The following PTPRM variants were observed in gnomAD, a reference collection of about 807,000 sequenced individuals.
The protein encoded by PTPRM is protein tyrosine phosphatase receptor type M, also known as receptor-type tyrosine-protein phosphatase mu.
In PTPRM, 47 loss-of-function variants were observed where a neutral mutation model predicts 186.7. The ratio of observed to expected loss-of-function variants is 0.25; its 90% CI spans 0.20 to 0.32. PTPRM has a LOEUF of 0.32. Among genes scored for constraint, PTPRM ranks in the 10% least tolerant of loss-of-function variants. PTPRM has a pLI of 1.00. For synonymous variants in PTPRM, 668 were observed against 674.9 expected, an observed-to-expected ratio of 0.99 and a Z score of 0.16; for missense variants, 1,494 against 1,865.0, an observed-to-expected ratio of 0.80 and a Z score of 3.66.
intron 15 of PTPRM, among the ~76,000 whole-genome samples, chr18:8,246,954 A>G (rs2094482740): frequency 6.6e-6 from 1 of 152,210 alleles, no homozygotes; most frequent in Admixed American, 6.5e-5. Context: ...TAGTGTCCTG[A>G]TGAGGAACTT....
intron 8 of PTPRM, among the ~76,000 whole-genome samples, chr18:8,075,303 T>C (rs935685191): frequency 1.3e-5 from 2 of 152,154 alleles, no homozygotes; most frequent in African/African-American, 4.8e-5. Context: ...AAGATATATA[T>C]GTCTCCTATG....
intron 2 of PTPRM, among the ~76,000 whole-genome samples, chr18:7,833,190 C>A (rs1202946433): frequency 6.6e-6 from 1 of 152,082 alleles, no homozygotes; most frequent in Non-Finnish European, 1.5e-5. Flanking sequence ...TGCATTGAAT[C>A]TGTAGATTAC....
intron 1 of PTPRM, among the ~76,000 whole-genome samples, chr18:7,602,020 G>A (rs935676680): frequency 6.6e-6 from 1 of 152,196 alleles, no homozygotes; most frequent in African/African-American, 2.4e-5. Context: ...TGGGAGAAAG[G>A]TGCCACCATT....
intron 22 of PTPRM, among the ~76,000 whole-genome samples, chr18:8,325,119 C>T (rs2095367883): frequency 6.6e-6 from 1 of 152,190 alleles, no homozygotes. Context: ...CTGTGCTCAT[C>T]ATAAATGAAG....
At chr18:7,956,580 A>T (rs974172587) in intron 7 of PTPRM, among the ~76,000 whole-genome samples, 1 of 152,094 alleles carries the variant, frequency 6.6e-6, no homozygotes, top group Non-Finnish European at 1.5e-5. Flanking sequence ...TGTTTCTCAG[A>T]CCCCACATCT....
At chr18:8,092,110 G>A (rs888481566) in intron 11 of PTPRM, among the ~76,000 whole-genome samples, 5 of 151,592 alleles carry the variant, frequency 3.3e-5, no homozygotes, top group African/African-American at 4.9e-5. Context: ...GTCGAATTTC[G>A]TTTATGCACT....
intron 14 of PTPRM, among the ~76,000 whole-genome samples, chr18:8,210,427 C>T (rs1020309449): frequency 6.6e-6 from 1 of 152,124 alleles, no homozygotes; most frequent in African/African-American, 2.4e-5. Flanking sequence ...TGCCACAACC[C>T]AAGGAACATC....
intron 1 of PTPRM, among the ~76,000 whole-genome samples, chr18:7,629,760 G>C (rs2038148019): frequency 6.6e-6 from 1 of 152,154 alleles, no homozygotes; most frequent in African/African-American, 2.4e-5. Flanking sequence ...TTGTGTGTGT[G>C]TAGTGTGTGT....
chr18:7,696,917 G>T (rs189573279), intron 1 of PTPRM, among the ~76,000 whole-genome samples: 3 of 152,258 alleles, frequency 2.0e-5, no homozygotes, highest in Non-Finnish European at 4.4e-5. Flanking sequence ...CCTGTCGATG[G>T]GGGTGTCTTT....
chr18:7,979,696 A>G (rs1450592568), intron 7 of PTPRM, among the ~76,000 whole-genome samples: 3 of 152,222 alleles, frequency 2.0e-5, no homozygotes, highest in Admixed American at 2.0e-4. Flanking sequence ...GAGACTGGAA[A>G]AGCCCAGGCA....
chr18:7,693,404 T>C (rs537415916), intron 1 of PTPRM, among the ~76,000 whole-genome samples: 1 of 152,256 alleles, frequency 6.6e-6, no homozygotes, highest in East Asian at 1.9e-4. Flanking sequence ...GACCATTCGA[T>C]CCCAAAGACC....
At chr18:8,400,689 T>C (rs1223492367) in intron 32 of PTPRM, among the ~76,000 whole-genome samples, 1 of 152,174 alleles carries the variant, frequency 6.6e-6, no homozygotes, top group Non-Finnish European at 1.5e-5. Flanking sequence ...TTGCCCCCTC[T>C]GTAACTTACA....
chr18:7,662,098 A>AT (rs549167676), intron 1 of PTPRM, among the ~76,000 whole-genome samples: 200 of 144,462 alleles, frequency 1.4e-3, no homozygotes, highest in Middle Eastern at 3.4e-3. Context: ...GCCTGGCTAA[A>AT]TTTTTTTTTG....
At chr18:8,066,210 G>A (rs189445451) in intron 7 of PTPRM, among the ~76,000 whole-genome samples, 1 of 152,314 alleles carries the variant, frequency 6.6e-6, no homozygotes, top group East Asian at 1.9e-4. Flanking sequence ...TAAAAGAATT[G>A]TATGAGAATT....
chr18:8,126,484 G>T (rs572085243), intron 13 of PTPRM, among the ~76,000 whole-genome samples: 40 of 152,270 alleles, frequency 2.6e-4, no homozygotes, highest in African/African-American at 9.4e-4. Flanking sequence ...TAAAAAGGTT[G>T]AATGTTAATT....
chr18:8,199,767 T>C (rs2093827954), intron 14 of PTPRM, among the ~76,000 whole-genome samples: 1 of 152,208 alleles, frequency 6.6e-6, no homozygotes, highest in African/African-American at 2.4e-5. Context: ...TGATTCATTT[T>C]TGCATCTGTC....
At chr18:7,649,656 C>T (rs562282877) in intron 1 of PTPRM, among the ~76,000 whole-genome samples, 5 of 152,052 alleles carry the variant, frequency 3.3e-5, no homozygotes, top group South Asian at 2.1e-4. Flanking sequence ...ACCCGGGAGG[C>T]GGATGTTGCA....
At chr18:8,163,631 T>C (rs1158662907) in intron 14 of PTPRM, among the ~76,000 whole-genome samples, 1 of 152,232 alleles carries the variant, frequency 6.6e-6, no homozygotes, top group African/African-American at 2.4e-5. Flanking sequence ...AACAATAGCA[T>C]TAAAATTAAC....
chr18:7,624,392 C>A (rs2038010133), intron 1 of PTPRM, among the ~76,000 whole-genome samples: 1 of 152,132 alleles, frequency 6.6e-6, no homozygotes, highest in Non-Finnish European at 1.5e-5. Flanking sequence ...ATGAGGATGG[C>A]AGTACTGTAG....
Sources: gnomAD v4.1 joint callset for allele counts (sites outside exome capture counted in the v4.1 genomes callset) on GRCh38, gnomAD v4.1.1 for gene constraint, MANE v1.5 for transcripts, NCBI Gene and HGNC (gene_info 2026-07-23, HGNC 2026-07-21) for gene names.